ANXA7: variants seen among roughly 807,000 people sequenced by gnomAD.
ANXA7 encodes the protein annexin A7, also known as annexin VII.
In ANXA7, 55 loss-of-function variants were observed where a neutral mutation model predicts 64.9. That is an observed-to-expected ratio of 0.85 (90% confidence interval 0.68 to 1.06). The LOEUF (loss-of-function observed/expected upper bound fraction) is 1.06. Ranked by LOEUF, ANXA7 falls within the 50% of genes least tolerant of loss-of-function variation. The pLI is 0.00. For synonymous variants in ANXA7, 200 were observed against 192.4 expected, an observed-to-expected ratio of 1.04 and a Z score of -0.33; for missense variants, 548 against 582.1, an observed-to-expected ratio of 0.94 and a Z score of 0.60.
chr10:73,390,320 A>G (rs1370577507), intron 5 of ANXA7, among the ~76,000 whole-genome samples: 1 of 152,208 alleles, frequency 6.6e-6, no homozygotes, highest in Non-Finnish European at 1.5e-5. Context: ...CAGCTTTTCA[A>G]GATAACACTT....
Position 73,375,349 on chromosome 10 carries a change from A to G in ANXA7, c.*746T>C, listed in dbSNP as rs1361230837. ...CACCACACATGAAAAAATGGTAACT[A>G]TGTCAAGGTGACAGATACGTAATTA... On this transcript the variant is annotated 3_prime_UTR_variant, in exon 13 of 13. Transcript: ENST00000372921. 1 of 152,246 alleles carries G rather than the reference A, an allele frequency of 6.6e-6. No homozygotes were observed. The highest frequency in any genetic ancestry group is 1.9e-4 in the East Asian group (1 of 5,204). The allele number at this position is 152,246 out of a possible 1,614,324, so 9.4% of individuals were successfully genotyped here.
At chr10:73,376,699 C>T (rs1213214474) in intron 12 of ANXA7, among the ~76,000 whole-genome samples, 1 of 152,012 alleles carries the variant, frequency 6.6e-6, no homozygotes, top group Non-Finnish European at 1.5e-5. Flanking sequence ...TGAAAGTAGA[C>T]TTGAACAGAT....
At position 73,383,177 on chromosome 10, in the gene ANXA7, G is replaced by A; in HGVS notation, c.916C>T (p.Gln306Ter). ...ACAAGCATTCATACTATACTCACCTGGCACATGGACACAAGTAAACGTTCA... is the reference window on the plus strand; with the variant it reads ...ACAAGCATTCATACTATACTCACCTAGCACATGGACACAAGTAAACGTTCA... ...HFERLLVSMC[Q>*]GNRDENQSIN... The change falls in exon 9 of 13, where the codon CAG (glutamine) becomes TAG (stop). Residue 306 changes from glutamine to a stop codon, truncating the protein, a stop_gained and splice_region_variant. Transcript: ENST00000372921. LOFTEE classifies it high-confidence loss of function. The A allele has an allele frequency of 1.9e-6, 3 of 1,611,490 alleles. No homozygotes were observed. The highest frequency in any genetic ancestry group is 2.5e-6 in the Non-Finnish European group (3 of 1,178,394).
At chr10:73,401,151 G>A (rs1247072074) in intron 1 of ANXA7, among the ~76,000 whole-genome samples, 1 of 152,012 alleles carries the variant, frequency 6.6e-6, no homozygotes, top group Non-Finnish European at 1.5e-5. Flanking sequence ...TGATCCACCT[G>A]CCTCAGCCTC....
At chr10:73,405,146 G>A (rs757710435) in intron 1 of ANXA7, among the ~76,000 whole-genome samples, 42 of 151,992 alleles carry the variant, frequency 2.8e-4, no homozygotes, top group Non-Finnish European at 4.7e-4. Context: ...GGAAGGCTGA[G>A]GCAGGAGAAC....
intron 12 of ANXA7, among the ~76,000 whole-genome samples, chr10:73,378,271 G>A (rs756693892): frequency 3.3e-5 from 5 of 151,174 alleles, no homozygotes; most frequent in Non-Finnish European, 7.4e-5. Context: ...CCAGCTACTC[G>A]AGAGGCTGAG....
chr10:73,408,066 C>A, intron 1 of ANXA7: 1 of 152,922 alleles, frequency 6.5e-6, no homozygotes, highest in South Asian at 1.9e-4. Flanking sequence ...CACCTATAAT[C>A]CCAAAACTCT....
intron 1 of ANXA7, among the ~76,000 whole-genome samples, chr10:73,408,635 T>C (rs2055794785): frequency 6.6e-6 from 1 of 152,130 alleles, no homozygotes; most frequent in African/African-American, 2.4e-5. Context: ...TAATAAAAAT[T>C]AAAGCTATTT....
chr10:73,394,818 C>T (rs1409779587), intron 5 of ANXA7, among the ~76,000 whole-genome samples: 2 of 152,122 alleles, frequency 1.3e-5, no homozygotes, highest in Non-Finnish European at 2.9e-5. Context: ...ATGTAACAAA[C>T]TTGCACGTTG....
At chr10:73,379,062 T>G in intron 11 of ANXA7, 39 bp from the exon 12 acceptor site, 2 of 1,424,912 alleles carry the variant, frequency 1.4e-6, no homozygotes, top group Non-Finnish European at 1.9e-6. Flanking sequence ...AATCATGATC[T>G]CACAAGAAGT....
intron 1 of ANXA7, among the ~76,000 whole-genome samples, chr10:73,401,725 C>T (rs187899031): frequency 1.7e-3 from 264 of 152,192 alleles, no homozygotes; most frequent in Non-Finnish European, 2.6e-3. Flanking sequence ...CGGTCTTGAA[C>T]GCCTAACCTC....
intron 1 of ANXA7, among the ~76,000 whole-genome samples, chr10:73,401,533 C>T (rs535821652): frequency 9.2e-5 from 14 of 152,048 alleles, no homozygotes; most frequent in African/African-American, 2.9e-4. Flanking sequence ...GGAGTCTCAC[C>T]CTGTTGCCCA....
intron 1 of ANXA7, among the ~76,000 whole-genome samples, chr10:73,405,294 C>A (rs1392792551): frequency 1.3e-5 from 2 of 149,606 alleles, no homozygotes; most frequent in Admixed American, 6.7e-5. Flanking sequence ...ATACACCCAG[C>A]ACTTTGGGAG....
At chr10:73,379,986 T>C (rs762848129) in intron 10 of ANXA7, 32 bp from the exon 11 acceptor site, 1 of 1,613,076 alleles carries the variant, frequency 6.2e-7, no homozygotes, top group Non-Finnish European at 8.5e-7. Flanking sequence ...TAAATATTTT[T>C]GTATCTTACA....
At position 73,383,191 on chromosome 10, in the gene ANXA7, A is replaced by G. The variant is rs769878032; in HGVS notation, c.902T>C (p.Leu301Pro). Residue 301 changes from leucine (L) to proline (P), a missense_variant, in exon 9 of 13, where the codon CTT becomes CCT. Coordinates refer to ENST00000372921, the MANE Select transcript of ANXA7 (RefSeq NM_001156.5). ...SDTSGHFERL[L>P]VSMCQGNRDE... ...TATACTCACCTGGCACATGGACACAAGTAAACGTTCAAAATGTCCTGATGT... is the reference window on the plus strand; with the variant it reads ...TATACTCACCTGGCACATGGACACAGGTAAACGTTCAAAATGTCCTGATGT... 6.2e-7 allele frequency: 1 copy of G among 1,613,404 alleles called. No homozygotes were observed. Among genetic ancestry groups the G allele is most frequent in the Non-Finnish European group, 8.5e-7 (1 of 1,179,542 alleles).
rs199621428 is a variant in ANXA7 at position 73,383,558 on chromosome 10, A to C, written c.747+19T>G. ...TGAAATAGGACAAAATATTCATAAT[A>C]AATGACATATAGTAGTACCTGCATT... On this transcript the variant is annotated intron_variant, in intron 8 of 12. Transcript: ENST00000372921. 1 of 1,550,260 alleles carries C rather than the reference A, an allele frequency of 6.5e-7. No individual in the cohort carries two copies. The highest frequency in any genetic ancestry group is 2.2e-5 in the East Asian group (1 of 44,510).
In ANXA7 at chr10:73,376,003, G is replaced by C; in HGVS notation, c.*92C>G. 9.0e-7 allele frequency: 1 copy of C among 1,110,798 alleles called. No individual in the cohort carries two copies. Among genetic ancestry groups the C allele is most frequent in the Non-Finnish European group, 1.2e-6 (1 of 815,210 alleles). 68.8% of individuals were successfully genotyped at this position (1,110,798 alleles called of 1,614,324 possible). On this transcript the variant is annotated 3_prime_UTR_variant, in exon 13 of 13. Coordinates refer to ENST00000372921, the MANE Select transcript of ANXA7 (RefSeq NM_001156.5). Reference sequence around the variant, plus strand: ...CCTTGACAGAAAGCTCTTTCGGTTAGCTGATGTTTGATATTGCTGCATGCA... The same window carrying C: ...CCTTGACAGAAAGCTCTTTCGGTTACCTGATGTTTGATATTGCTGCATGCA...
At chr10:73,377,930 TGCGC>T (rs1554815407) in intron 12 of ANXA7, among the ~76,000 whole-genome samples, 1 of 142,496 alleles carries the variant, frequency 7.0e-6, no homozygotes, top group African/African-American at 2.8e-5. Flanking sequence ...TGTGTGTGTG[TGCGC>T]GCGCGTGTGT....
In ANXA7 at chr10:73,387,791, A is replaced by AACCACACAT; in HGVS notation, c.539-17_539-9dup. 1 of 1,611,882 alleles carries AACCACACAT rather than the reference A, an allele frequency of 6.2e-7. No homozygotes were observed. Among genetic ancestry groups the AACCACACAT allele is most frequent in the Non-Finnish European group, 8.5e-7 (1 of 1,178,406 alleles). ...TTGCCTGCTCATCTGTCCCTGGAAGAACCACACATGTTTAAGTAAGGACAA... is the reference window on the plus strand; with the variant it reads ...TTGCCTGCTCATCTGTCCCTGGAAGAACCACACATACCACACATGTTTAAGTAAGGACAA... On this transcript the variant is annotated splice_polypyrimidine_tract_variant and intron_variant, in intron 6 of 12. Transcript: ENST00000372921.
Sources: allele counts gnomAD v4.1 joint callset (sites outside exome capture counted in the v4.1 genomes callset), GRCh38; gene constraint gnomAD v4.1.1; transcripts MANE v1.5; gene names NCBI Gene and HGNC (gene_info 2026-07-23, HGNC 2026-07-21).